HSP90AB1: variants seen among roughly 807,000 people sequenced by gnomAD.
HSP90AB1 encodes heat shock protein HSP 90-beta.
HSP90AB1 carries 17 observed loss-of-function variants against 67.8 expected under a neutral mutation model. The ratio of observed to expected loss-of-function variants is 0.25; its 90% confidence interval spans 0.17 to 0.38. The LOEUF is 0.38. Among genes scored for constraint, HSP90AB1 ranks in the 10% least tolerant of loss-of-function variants. HSP90AB1 has a pLI of 1.00. For synonymous variants in HSP90AB1, 390 were observed against 312.9 expected, an observed-to-expected ratio of 1.25 and a Z score of -2.60; for missense variants, 690 against 899.9, an observed-to-expected ratio of 0.77 and a Z score of 2.98.
intron 10 of HSP90AB1, among the ~76,000 whole-genome samples, chr6:44,252,716 T>TC (rs1377858238): frequency 2.0e-5 from 3 of 152,106 alleles, no homozygotes; most frequent in African/African-American, 7.2e-5. Context: ...CAGGATGGTC[T>TC]CCATCTCCTG....
rs1470439713 is a variant in HSP90AB1 at position 44,251,065 on chromosome 6, T to G, written c.975T>G (p.Gly325=). ...HLAVKHFSVE[G]QLEFRALLFI... The stretch of plus-strand genomic sequence containing the variant: ...TCTTTCAGCACTTTTCTGTAGAAGG[T>G]CAGTTGGAATTCAGGGCATTGCTAT... Residue 325 remains glycine (G), a synonymous_variant, in exon 7 of 12, where the codon GGT becomes GGG. Transcript: ENST00000371646. The G allele has an allele frequency of 1.9e-6, 3 of 1,614,032 alleles. No homozygotes were observed. Among genetic ancestry groups the G allele is most frequent in the Non-Finnish European group, 2.5e-6 (3 of 1,179,916 alleles).
Position 44,251,803 on chromosome 6 carries a change from C to T in HSP90AB1, c.1381C>T (p.Gln461Ter). Residue 461 changes from glutamine (Q) to a stop codon, truncating the protein, a stop_gained, in exon 9 of 12, where the codon CAG (glutamine) becomes TAG (stop). Coordinates refer to ENST00000371646, the MANE Select transcript of HSP90AB1 (RefSeq NM_007355.4). LOFTEE classifies it high-confidence loss of function. Reference sequence around the variant, plus strand: ...TGAGCTGCTGCGCTATCATACCTCCCAGTCTGGAGATGAGATGACATCTCT... The same window carrying T: ...TGAGCTGCTGCGCTATCATACCTCCTAGTCTGGAGATGAGATGACATCTCT... ...LSELLRYHTS[Q>*]SGDEMTSLSE... 1 of 1,613,256 alleles carries T rather than the reference C, an allele frequency of 6.2e-7. No homozygotes were observed.
chr6:44,253,090 A>G lies in HSP90AB1; in HGVS notation c.1777A>G (p.Thr593Ala). Reference protein sequence around the residue: ...RLVSSPCCIVTSTYGWTANME... With the variant: ...RLVSSPCCIVASTYGWTANME... ...TGTGTCTTCACCTTGCTGCATTGTG[A>G]CCAGCACCTACGGCTGGACAGCCAA... is the stretch of plus-strand genomic sequence containing the variant. The change falls in exon 11 of 12, where the codon ACC becomes GCC. Residue 593 changes from threonine (T) to alanine (A), a missense_variant. By Grantham distance (58) the Thr-to-Ala change is moderately conservative. Coordinates refer to ENST00000371646, the MANE Select transcript of HSP90AB1 (RefSeq NM_007355.4). The G allele has an allele frequency of 6.2e-7, 1 of 1,614,076 alleles. No individual in the cohort carries two copies. The highest frequency in any genetic ancestry group is 8.5e-7 in the Non-Finnish European group (1 of 1,179,950).
chr6:44,248,918 C>G, intron 2 of HSP90AB1, 142 bp downstream of exon 2: 1 of 774,496 alleles, frequency 1.3e-6, no homozygotes, highest in South Asian at 1.7e-5. Flanking sequence ...GGGTTTTACT[C>G]TGGCCATCTT....
rs1304043972 is a variant in HSP90AB1 at position 44,247,615 on chromosome 6, C to T, written c.-1+420C>T. ...CGGCCTTGTGGGACTGGCTTTGTCA[C>T]CTCTCTTATCGGACGCGTTGTTAAA... On this transcript the variant is annotated intron_variant, in intron 1 of 11. Transcript: ENST00000371646. 5.3e-5 allele frequency among the ~76,000 whole-genome samples: 8 copies of T among 152,324 alleles called. No homozygotes were observed. The East Asian group carries it at 1.5e-3, about 29-fold the overall frequency.
In HSP90AB1 at chr6:44,251,786, T is replaced by A; in HGVS notation, c.1364T>A (p.Leu455Gln). The A allele has an allele frequency of 6.2e-7, 1 of 1,613,460 alleles. No homozygotes were observed. Among genetic ancestry groups the A allele is most frequent in the Non-Finnish European group, 8.5e-7 (1 of 1,180,032 alleles). ...STNRRRLSEL[L>Q]RYHTSQSGDE... ...AACCGCCGCCGCCTGTCTGAGCTGC[T>A]GCGCTATCATACCTCCCAGTCTGGA... The change falls in exon 9 of 12, where the codon CTG becomes CAG. Residue 455 changes from leucine (L) to glutamine (Q), a missense_variant. Physicochemically the swap from Leu to Gln is moderately radical, Grantham distance 113. Around this residue, in one of 7 missense-constraint regions of HSP90AB1, gnomAD observed 206 missense variants for 221.4 expected, o/e 0.93. Transcript: ENST00000371646.
In HSP90AB1 at chr6:44,252,236, T is replaced by C. The variant is rs773524467; in HGVS notation, c.1700T>C (p.Met567Thr). ...KAKFENLCKL[M>T]KEILDKKVEK... ...AAGTTTGAGAACCTCTGCAAGCTCA[T>C]GAAAGAAATCTTAGATAAGAAGGTT... is the stretch of plus-strand genomic sequence containing the variant. The change falls in exon 10 of 12, where the codon ATG becomes ACG. Residue 567 changes from methionine (M) to threonine (T), a missense_variant. This residue lies in a region of HSP90AB1 where 206 missense variants were observed against 221.4 expected (regional missense o/e 0.93). Coordinates refer to ENST00000371646, the MANE Select transcript of HSP90AB1 (RefSeq NM_007355.4). 6.2e-7 allele frequency: 1 copy of C among 1,614,046 alleles called. No individual in the cohort carries two copies. The highest frequency in any genetic ancestry group is 8.5e-7 in the Non-Finnish European group (1 of 1,180,002).
Position 44,253,296 on chromosome 6 carries a change from C to G in HSP90AB1, c.1983C>G (p.Thr661=). The change falls in exon 11 of 12, where the codon ACC becomes ACG. Residue 661 remains threonine (T), a synonymous_variant. Transcript: ENST00000371646. ...VKDLVVLLFE[T]ALLSSGFSLE... ...ACCTGGTGGTGCTGCTGTTTGAAAC[C>G]GCCCTGCTATCTTCTGGCTTTTCCC... is the stretch of plus-strand genomic sequence containing the variant. The G allele has an allele frequency of 6.2e-7, 1 of 1,614,198 alleles. No homozygotes were observed. The highest frequency in any genetic ancestry group is 1.1e-5 in the South Asian group (1 of 91,084).
In HSP90AB1 at chr6:44,250,427, G is replaced by C. The variant is rs1204800869; in HGVS notation, c.785G>C (p.Gly262Ala). The change falls in exon 6 of 12, where the codon GGT becomes GCT. Residue 262 changes from glycine (G) to alanine (A), a missense_variant. Around this residue, in one of 7 missense-constraint regions of HSP90AB1, gnomAD observed 146 missense variants for 143.7 expected, o/e 1.02. Transcript: ENST00000371646. ...DVGSDEEDDS[G>A]KDKKKKTKKI... Reference sequence around the variant, plus strand: ...GGTTCAGATGAGGAGGATGACAGCGGTAAGGATAAGAAGAAGAAAACTAAG... The same window carrying C: ...GGTTCAGATGAGGAGGATGACAGCGCTAAGGATAAGAAGAAGAAAACTAAG... 2.5e-6 allele frequency: 4 copies of C among 1,613,864 alleles called. No homozygotes were observed. The highest frequency in any genetic ancestry group is 3.4e-6 in the Non-Finnish European group (4 of 1,179,800).
Position 44,251,761 on chromosome 6 carries a change from A to AACC in HSP90AB1, c.1340_1342dup (p.Asn447_Arg448insHis). On this transcript the variant is annotated inframe_insertion, in exon 9 of 12. Coordinates refer to ENST00000371646, the MANE Select transcript of HSP90AB1 (RefSeq NM_007355.4). Reference sequence around the variant, plus strand: ...GCTTGGAATCCACGAAGACTCCACTAACCGCCGCCGCCTGTCTGAGCTGCT... The same window carrying AACC: ...GCTTGGAATCCACGAAGACTCCACTAACCACCGCCGCCGCCTGTCTGAGCTGCT... 6.2e-7 allele frequency: 1 copy of AACC among 1,613,742 alleles called. No homozygotes were observed. Among genetic ancestry groups the AACC allele is most frequent in the Non-Finnish European group, 8.5e-7 (1 of 1,180,000 alleles).
chr6:44,253,283 T>C lies in HSP90AB1; in HGVS notation c.1970T>C (p.Leu657Pro), dbSNP rs780410822. The change falls in exon 11 of 12, where the codon CTG (leucine) becomes CCG (proline). Residue 657 changes from leucine (L) to proline (P), a missense_variant. Physicochemically the swap from Leu to Pro is moderately conservative, Grantham distance 98 (BLOSUM62 -3). This residue lies in a region of HSP90AB1 where 120 missense variants were observed against 153.5 expected (regional missense o/e 0.78). Transcript: ENST00000371646. The part of the protein sequence containing the change: ...NDKAVKDLVV[L>P]LFETALLSSG... ...AAGGCAGTTAAGGACCTGGTGGTGC[T>C]GCTGTTTGAAACCGCCCTGCTATCT... The C allele has an allele frequency of 6.2e-7, 1 of 1,614,220 alleles. No individual in the cohort carries two copies. Among genetic ancestry groups the C allele is most frequent in the Non-Finnish European group, 8.5e-7 (1 of 1,180,040 alleles).
chr6:44,252,963 C>A (rs911240901), intron 10 of HSP90AB1, 82 bp from the exon 11 acceptor site: 2 of 1,169,042 alleles, frequency 1.7e-6, no homozygotes, highest in Non-Finnish European at 2.5e-6. Flanking sequence ...ACCTCCTCCC[C>A]CTGCTGGAAT....
Position 44,251,210 on chromosome 6 carries a change from C to T in HSP90AB1, c.1120C>T (p.Leu374Phe). The T allele has an allele frequency of 6.2e-7, 1 of 1,614,030 alleles. No homozygotes were observed. Among genetic ancestry groups the T allele is most frequent in the Non-Finnish European group, 8.5e-7 (1 of 1,179,892 alleles). The change falls in exon 7 of 12, where the codon CTC becomes TTC. Residue 374 changes from leucine to phenylalanine, a missense_variant. Transcript: ENST00000371646. ...CTGTGATGAGTTGATACCAGAGTATCTCAGTGAGTATCTCCTTGGCCTAAT... is the reference window on the plus strand; with the variant it reads ...CTGTGATGAGTTGATACCAGAGTATTTCAGTGAGTATCTCCTTGGCCTAAT... ...DSCDELIPEY[L>F]NFIRGVVDSE...
intron 6 of HSP90AB1, 145 bp downstream of exon 6, chr6:44,250,744 C>T (rs951147084): frequency 4.7e-6 from 3 of 639,758 alleles, no homozygotes; most frequent in Non-Finnish European, 8.4e-6. Context: ...TACTGATTAC[C>T]CTGTCATAGT....
intron 10 of HSP90AB1, 27 bp from the exon 11 acceptor site, chr6:44,253,018 A>G (rs550014165): frequency 2.3e-5 from 37 of 1,590,118 alleles, no homozygotes; most frequent in South Asian, 1.3e-4. Context: ...GGTAATGTCA[A>G]TCTAAGGCTT....
At chr6:44,249,052 A>G (rs541111236) in intron 2 of HSP90AB1, among the ~76,000 whole-genome samples, 15 of 152,242 alleles carry the variant, frequency 9.9e-5, no homozygotes, top group Non-Finnish European at 1.6e-4. Flanking sequence ...CTTTGAAGAT[A>G]CGGGCTTTAA....
At chr6:44,252,574 C>G (rs1352300319) in intron 10 of HSP90AB1, among the ~76,000 whole-genome samples, 3 of 152,120 alleles carry the variant, frequency 2.0e-5, no homozygotes, top group Non-Finnish European at 4.4e-5. Context: ...CTGCTCATTG[C>G]AAGCTCCGCC....
In HSP90AB1 at chr6:44,253,512, G is replaced by A; in HGVS notation, c.2089G>A (p.Ala697Thr). The A allele has an allele frequency of 6.2e-7, 1 of 1,614,014 alleles. No individual in the cohort carries two copies. The stretch of plus-strand genomic sequence containing the variant: ...AGGTATTGATGAAGATGAAGTGGCA[G>A]CAGAGGAACCCAATGCTGCAGTTCC... Reference protein sequence around the residue: ...GLGIDEDEVAAEEPNAAVPDE... With the variant: ...GLGIDEDEVATEEPNAAVPDE... Residue 697 changes from alanine (A) to threonine (T), a missense_variant, in exon 12 of 12, where the codon GCA becomes ACA. Ala to Thr is a moderately conservative substitution (Grantham distance 58, BLOSUM62 0). Transcript: ENST00000371646.
rs1780946779 is a variant in HSP90AB1, at chr6:44,253,195, A to G, written c.1882A>G (p.Ile628Val). The G allele has an allele frequency of 6.2e-7, 1 of 1,614,182 alleles. No individual in the cohort carries two copies. The highest frequency in any genetic ancestry group is 8.5e-7 in the Non-Finnish European group (1 of 1,180,040). Residue 628 changes from isoleucine to valine, a missense_variant, in exon 11 of 12, where the codon ATC becomes GTC. Ile to Val is a conservative substitution (Grantham distance 29). This residue lies in a region of HSP90AB1 where 120 missense variants were observed against 153.5 expected (regional missense o/e 0.78). Transcript: ENST00000371646. ...GYMMAKKHLE[I>V]NPDHPIVETL... ...TATGATGGCCAAAAAGCACCTGGAG[A>G]TCAACCCTGACCACCCCATTGTGGA...
Sources: allele counts gnomAD v4.1 joint callset (sites outside exome capture counted in the v4.1 genomes callset), GRCh38; gene constraint gnomAD v4.1.1; regional missense constraint gnomAD v4.1.1; transcripts MANE v1.5; gene names NCBI Gene and HGNC (gene_info 2026-07-23, HGNC 2026-07-21).